ANK2: variants seen among roughly 807,000 people sequenced by gnomAD.
ANK2 encodes the protein ankyrin 2.
ANK2 carries 83 observed loss-of-function variants against 360.5 expected under a neutral mutation model. That is an observed-to-expected ratio of 0.23 (90% confidence interval 0.19 to 0.28). The LOEUF is 0.28. ANK2 is among the 10% of genes least tolerant of loss of function. ANK2 has a pLI of 1.00. For synonymous variants in ANK2, 1,740 were observed against 1,759.5 expected, an observed-to-expected ratio of 0.99 and a Z score of 0.28; for missense variants, 4,201 against 4,795.7, an observed-to-expected ratio of 0.88 and a Z score of 3.66.
intron 23 of ANK2, among the ~76,000 whole-genome samples, chr4:113,304,799 A>G (rs1325130765): frequency 6.6e-6 from 1 of 152,160 alleles, no homozygotes; most frequent in Non-Finnish European, 1.5e-5. Flanking sequence ...AAAATTATTT[A>G]GGGTGAATTT....
chr4:113,371,863 G>A (rs1279770185), intron 43 of ANK2, among the ~76,000 whole-genome samples: 1 of 152,176 alleles, frequency 6.6e-6, no homozygotes, highest in East Asian at 1.9e-4. Flanking sequence ...CATTAGGGAA[G>A]AGTAATTCAA....
intron 1 of ANK2, among the ~76,000 whole-genome samples, chr4:113,153,289 C>T (rs1045797750): frequency 6.6e-6 from 1 of 152,022 alleles, no homozygotes; most frequent in Non-Finnish European, 1.5e-5. Flanking sequence ...AGCTGAAGTA[C>T]CTTTATATTT....
chr4:113,265,229 T>C (rs1004471098), intron 14 of ANK2, among the ~76,000 whole-genome samples: 7 of 152,174 alleles, frequency 4.6e-5, no homozygotes, highest in Non-Finnish European at 8.8e-5. Flanking sequence ...GTAAAACTTA[T>C]CATCTAAGAA....
At chr4:112,908,469 G>A (rs1428930902) in intron 2 of ANK2, among the ~76,000 whole-genome samples, 3 of 152,168 alleles carry the variant, frequency 2.0e-5, no homozygotes, top group Non-Finnish European at 4.4e-5. Context: ...AGACTGGAGA[G>A]ACATAGCAAG....
intron 1 of ANK2, among the ~76,000 whole-genome samples, chr4:112,847,652 A>T (rs2063639595): frequency 6.6e-6 from 1 of 152,104 alleles, no homozygotes; most frequent in African/African-American, 2.4e-5. Context: ...ATCTTCTTTA[A>T]GTATGATTTT....
the ANK2 span, among the ~76,000 whole-genome samples, chr4:112,807,685 A>G: frequency 1.3e-5 from 2 of 152,258 alleles, no homozygotes; most frequent in South Asian, 4.1e-4. Flanking sequence ...GAATGAGATC[A>G]AAGAAACCTT....
the ANK2 span, among the ~76,000 whole-genome samples, chr4:112,711,947 A>C: frequency 1.3e-5 from 2 of 150,970 alleles, no homozygotes; most frequent in African/African-American, 4.8e-5. Context: ...TCGGGTAGCT[A>C]GGACTACAAG....
At chr4:113,079,935 G>A (rs1010918568) in intron 1 of ANK2, among the ~76,000 whole-genome samples, 1 of 135,002 alleles carries the variant, frequency 7.4e-6, no homozygotes, top group Non-Finnish European at 1.5e-5. Context: ...GTCTTGCTCT[G>A]TTGCCCAGGC....
intron 1 of ANK2, among the ~76,000 whole-genome samples, chr4:112,830,523 G>A (rs535767150): frequency 6.6e-6 from 1 of 152,340 alleles, no homozygotes; most frequent in South Asian, 2.1e-4. Context: ...TGTGGGAGGA[G>A]AGTGAAGATT....
In ANK2 at chr4:113,329,916, T is replaced by C. The variant is rs984983187; in HGVS notation, c.2901-330T>C. 5.9e-5 allele frequency among the ~76,000 whole-genome samples: 9 copies of C among 152,326 alleles called. No homozygotes were observed. In the South Asian group the frequency reaches 1.2e-3, roughly 21 times the overall value. On this transcript the variant is annotated intron_variant, in intron 26 of 45. Coordinates refer to ENST00000357077, the MANE Select transcript of ANK2 (RefSeq NM_001148.6). ...TTTATAACAAAAGGAAACTTGTCAA[T>C]TGTTCTTTATGTAATTTCATTCCAT... is the stretch of plus-strand genomic sequence containing the variant.
At chr4:113,100,679 A>T (rs11733187) in intron 1 of ANK2, among the ~76,000 whole-genome samples, 1 of 151,958 alleles carries the variant, frequency 6.6e-6, no homozygotes, top group African/African-American at 2.4e-5. Flanking sequence ...CTGCGCTTGA[A>T]TGTTTACAGC....
At chr4:113,015,973 A>G (rs1398155849) in intron 2 of ANK2, among the ~76,000 whole-genome samples, 1 of 152,240 alleles carries the variant, frequency 6.6e-6, no homozygotes, top group Non-Finnish European at 1.5e-5. Flanking sequence ...AGAAAGATGT[A>G]AAACCATTTG....
At chr4:112,901,658 C>T (rs1580824100) in intron 1 of ANK2, among the ~76,000 whole-genome samples, 1 of 151,852 alleles carries the variant, frequency 6.6e-6, no homozygotes, top group African/African-American at 2.4e-5. Flanking sequence ...GTCAGGAGTT[C>T]GAGACCAGCC....
At chr4:112,738,729 T>C in the ANK2 span, 1 of 616,982 alleles carries the variant, frequency 1.6e-6, no homozygotes, top group Non-Finnish European at 3.0e-6. Flanking sequence ...AACCAAGAAG[T>C]TCATCCGGCA....
rs1045943741 is a variant in ANK2, at chr4:113,383,042, C to T, written c.*1571C>T. ...ATATTCACAAATATATTCATATAAACAGTATACATTTTGAATCAGTCATTT... is the reference window on the plus strand; with the variant it reads ...ATATTCACAAATATATTCATATAAATAGTATACATTTTGAATCAGTCATTT... On this transcript the variant is annotated 3_prime_UTR_variant, in exon 46 of 46. Coordinates refer to ENST00000357077, the MANE Select transcript of ANK2 (RefSeq NM_001148.6). The T allele has an allele frequency of 3.9e-5, 6 of 152,522 alleles. No individual in the cohort carries two copies. The highest frequency in any genetic ancestry group is 5.9e-5 in the Non-Finnish European group (4 of 68,020). 9.4% of individuals were successfully genotyped at this position (152,522 alleles called of 1,614,324 possible). A position where few individuals can be genotyped will look rare whatever the true frequency, so the allele number is the denominator to read the frequency against.
At chr4:113,343,507 A>T (rs1360900464) in intron 34 of ANK2, among the ~76,000 whole-genome samples, 2 of 152,258 alleles carry the variant, frequency 1.3e-5, no homozygotes, top group Admixed American at 1.3e-4. Context: ...AGATCAAAAG[A>T]GTTCTAAGTG....
At chr4:112,786,941 G>A in the ANK2 span, among the ~76,000 whole-genome samples, 2 of 151,790 alleles carry the variant, frequency 1.3e-5, no homozygotes, top group Non-Finnish European at 2.9e-5. Flanking sequence ...TAGAGATGGG[G>A]ATTCGCCATG....
intron 1 of ANK2, among the ~76,000 whole-genome samples, chr4:113,130,146 T>G (rs923407139): frequency 5.9e-5 from 9 of 152,164 alleles, no homozygotes; most frequent in Admixed American, 4.6e-4. Context: ...GAAAACTAAC[T>G]TTGTCTTTTA....
intron 2 of ANK2, among the ~76,000 whole-genome samples, chr4:112,925,837 C>G (rs761101366): frequency 6.6e-6 from 1 of 152,126 alleles, no homozygotes; most frequent in Non-Finnish European, 1.5e-5. Flanking sequence ...TTGGATGGAA[C>G]CATGGTCAGC....
Sources: gnomAD v4.1 joint callset for allele counts (sites outside exome capture counted in the v4.1 genomes callset) on GRCh38, gnomAD v4.1.1 for gene constraint, MANE v1.5 for transcripts, NCBI Gene and HGNC (gene_info 2026-07-23, HGNC 2026-07-21) for gene names.